Variants in SKIC3 observed in about 807,000 individuals in gnomAD.
The protein encoded by SKIC3 is superkiller complex protein 3.
the SKIC3 span, among the ~76,000 whole-genome samples, chr5:95,489,333 G>A: frequency 9.6e-3 from 1,463 of 151,828 alleles, 21 homozygotes; most frequent in African/African-American, 0.033. Flanking sequence ...GTGTGCTTAC[G>A]TGTGTGTGGA....
chr5:95,494,931 T>C, the SKIC3 span: 7 of 1,609,774 alleles, frequency 4.3e-6, no homozygotes, highest in Non-Finnish European at 6.0e-6. Context: ...ATTTAATAAA[T>C]TCAACATTTC....
chr5:95,536,974 G>A, the SKIC3 span: 36 of 1,600,700 alleles, frequency 2.2e-5, no homozygotes, highest in Admixed American at 3.3e-5. Context: ...GTAGTAAAAT[G>A]TATTTATGAA....
At chr5:95,482,403 T>C in the SKIC3 span, 2 of 1,486,362 alleles carry the variant, frequency 1.3e-6, no homozygotes, top group South Asian at 1.1e-5. Flanking sequence ...AAATGGAGCA[T>C]AGCCCTGACA....
chr5:95,541,695 GAA>G, the SKIC3 span: 385 of 551,334 alleles, frequency 7.0e-4, no homozygotes, highest in Middle Eastern at 9.1e-4. Context: ...ACAAATGTTT[GAA>G]AAAAAAAAAA....
At chr5:95,513,458 A>C in the SKIC3 span, 1 of 1,149,920 alleles carries the variant, frequency 8.7e-7, no homozygotes. Context: ...ATCCCAAATC[A>C]CTGGGATTAC....
chr5:95,519,713 C>T, the SKIC3 span, among the ~76,000 whole-genome samples: 2 of 151,948 alleles, frequency 1.3e-5, no homozygotes, highest in Non-Finnish European at 2.9e-5. Context: ...AGTAAATATA[C>T]ATTTGGAGAT....
At chr5:95,506,790 T>C in the SKIC3 span, 1 of 830,290 alleles carries the variant, frequency 1.2e-6, no homozygotes. Context: ...TATAGGAAAC[T>C]GTTAACAGAG....
chr5:95,516,098 T>G, the SKIC3 span, among the ~76,000 whole-genome samples: 3 of 152,122 alleles, frequency 2.0e-5, no homozygotes, highest in Non-Finnish European at 4.4e-5. Context: ...AATCAAACTG[T>G]TTTAATCTCT....
the SKIC3 span, among the ~76,000 whole-genome samples, chr5:95,472,255 C>T: frequency 2.6e-4 from 40 of 152,138 alleles, no homozygotes; most frequent in African/African-American, 9.4e-4. Context: ...TGCAGCAACT[C>T]TCCTTCATTC....
chr5:95,536,908 A>G, the SKIC3 span: 1 of 1,613,700 alleles, frequency 6.2e-7, no homozygotes, highest in South Asian at 1.1e-5. Context: ...TCTTCAATCT[A>G]GCAGACTCAT....
chr5:95,509,121 T>C, the SKIC3 span, among the ~76,000 whole-genome samples: 1 of 152,180 alleles, frequency 6.6e-6, no homozygotes, highest in Non-Finnish European at 1.5e-5. Context: ...GATGTAATAA[T>C]AGTATACAAT....
the SKIC3 span, among the ~76,000 whole-genome samples, chr5:95,470,333 A>G: frequency 5.5e-4 from 84 of 152,352 alleles, no homozygotes; most frequent in African/African-American, 2.0e-3. Context: ...TAAATAATAC[A>G]AAGAGTATAA....
the SKIC3 span, chr5:95,522,441 G>T: frequency 9.5e-7 from 1 of 1,053,132 alleles, no homozygotes; most frequent in Non-Finnish European, 1.3e-6. Flanking sequence ...GCTATTTAAA[G>T]CAGATAAATT....
chr5:95,472,687 TTTGCTCCATGGGTATA>T, the SKIC3 span, among the ~76,000 whole-genome samples: 1 of 151,828 alleles, frequency 6.6e-6, no homozygotes, highest in African/African-American at 2.4e-5. Flanking sequence ...CACGTGCAGG[TTTGCTCCATGGGTATA>T]TTGCACCCAG....
At chr5:95,469,793 T>A in the SKIC3 span, 1 of 1,614,132 alleles carries the variant, frequency 6.2e-7, no homozygotes, top group Non-Finnish European at 8.5e-7. Flanking sequence ...GCCCCCATTT[T>A]GCGTTTGAAT....
chr5:95,532,003 T>A, the SKIC3 span, among the ~76,000 whole-genome samples: 1 of 152,082 alleles, frequency 6.6e-6, no homozygotes, highest in Non-Finnish European at 1.5e-5. Context: ...ATTAAAAATC[T>A]TCACCATCCT....
the SKIC3 span, chr5:95,543,133 T>C: frequency 1.9e-3 from 3,045 of 1,601,846 alleles, 54 homozygotes; most frequent in African/African-American, 0.037. Context: ...TTTTGAAAAA[T>C]GCAAAAAAAA....
the SKIC3 span, chr5:95,528,957 G>A: frequency 1.6e-5 from 24 of 1,506,168 alleles, no homozygotes; most frequent in Non-Finnish European, 2.2e-5. Context: ...AAACAAATAG[G>A]GTTGGTCACC....
the SKIC3 span, chr5:95,523,474 A>G: frequency 4.3e-6 from 5 of 1,169,972 alleles, no homozygotes; most frequent in Non-Finnish European, 5.9e-6. Context: ...TTCAACAATA[A>G]GTGGTTAGTA....
Sources: gnomAD v4.1 joint callset for allele counts (sites outside exome capture counted in the v4.1 genomes callset) on GRCh38, gnomAD v4.1.1 for gene constraint, MANE v1.5 for transcripts, NCBI Gene and HGNC (gene_info 2026-07-23, HGNC 2026-07-21) for gene names.